Variants in ADAMTSL3 observed in about 807,000 individuals in gnomAD.
The protein encoded by ADAMTSL3 is ADAMTS-like protein 3.
ADAMTSL3 carries 128 observed loss-of-function variants against 201.7 expected under a neutral mutation model. The observed-to-expected ratio is 0.63, with a 90% CI of 0.55 to 0.73. The LOEUF (loss-of-function observed/expected upper bound fraction) is 0.73. ADAMTSL3 is among the 30% of genes least tolerant of loss of function. ADAMTSL3 has a pLI of 0.00. For missense variants in ADAMTSL3, 1,990 were observed against 2,119.6 expected (o/e 0.94, Z 1.20); for synonymous variants, 738 against 748.4 (o/e 0.99, Z 0.23).
At chr15:83,904,145 C>T (rs1225833041) in intron 15 of ADAMTSL3, among the ~76,000 whole-genome samples, 1 of 151,788 alleles carries the variant, frequency 6.6e-6, no homozygotes, top group Non-Finnish European at 1.5e-5. Flanking sequence ...ACTGAGCAGA[C>T]AGCACCTGTT....
At chr15:83,687,707 G>A (rs747747413) in intron 2 of ADAMTSL3, among the ~76,000 whole-genome samples, 1 of 152,116 alleles carries the variant, frequency 6.6e-6, no homozygotes, top group East Asian at 1.9e-4. Flanking sequence ...CTTAGATTGT[G>A]TATGTGAAAG....
intron 13 of ADAMTSL3, among the ~76,000 whole-genome samples, chr15:83,893,253 C>G (rs567240589): frequency 2.3e-4 from 35 of 152,190 alleles, no homozygotes; most frequent in Non-Finnish European, 4.9e-4. Flanking sequence ...TTTAAACAAG[C>G]AAGAATTACA....
chr15:83,783,591 T>C (rs750282923), intron 4 of ADAMTSL3, among the ~76,000 whole-genome samples: 43 of 151,966 alleles, frequency 2.8e-4, no homozygotes, highest in Non-Finnish European at 1.0e-4. Context: ...AGAAAATTGG[T>C]ATACCTATAC....
chr15:83,913,552 G>T lies in ADAMTSL3; in HGVS notation c.1987+174G>T, dbSNP rs8038109. ...TTTTTCTTTCTTTTTTTTTTGTAGT[G>T]ATTATTTTAGAAAGGAGAGTGGGAC... On this transcript the variant is annotated intron_variant, in intron 16 of 29. Transcript: ENST00000286744. Among the ~76,000 whole-genome samples the T allele has an allele frequency of 0.31, 46,821 of 151,186 alleles. 8,283 individuals carry two copies. Among genetic ancestry groups the T allele is most frequent in the African/African-American group, 0.44 (18,333 of 41,250 alleles).
chr15:83,710,286 A>G (rs113310713), intron 3 of ADAMTSL3, among the ~76,000 whole-genome samples: 4 of 152,216 alleles, frequency 2.6e-5, no homozygotes, highest in African/African-American at 9.6e-5. Flanking sequence ...CTTCCTGACC[A>G]CATTTAAGAG....
intron 2 of ADAMTSL3, among the ~76,000 whole-genome samples, chr15:83,689,873 C>A: frequency 6.6e-6 from 1 of 151,972 alleles, no homozygotes; most frequent in East Asian, 1.9e-4. Flanking sequence ...TTGTGTAGAG[C>A]ACACATGTTT....
At chr15:83,883,436 G>C (rs2065317164) in intron 9 of ADAMTSL3, among the ~76,000 whole-genome samples, 1 of 151,782 alleles carries the variant, frequency 6.6e-6, no homozygotes, top group Non-Finnish European at 1.5e-5. Context: ...GCTTCCCAAA[G>C]TGCTGGGATT....
intron 21 of ADAMTSL3, among the ~76,000 whole-genome samples, chr15:83,986,266 C>G (rs1241012902): frequency 6.6e-6 from 1 of 152,134 alleles, no homozygotes; most frequent in Non-Finnish European, 1.5e-5. Flanking sequence ...TTGAAGTGAT[C>G]TGTTGACCTA....
At chr15:84,011,440 G>T (rs2068004410) in intron 23 of ADAMTSL3, among the ~76,000 whole-genome samples, 4 of 152,166 alleles carry the variant, frequency 2.6e-5, no homozygotes, top group Admixed American at 2.0e-4. Context: ...ATAAACAACA[G>T]AAAATTTGTT....
intron 6 of ADAMTSL3, among the ~76,000 whole-genome samples, chr15:83,833,178 A>G (rs1352860891): frequency 6.6e-6 from 1 of 152,186 alleles, no homozygotes; most frequent in Non-Finnish European, 1.5e-5. Flanking sequence ...CCCAAGTTGT[A>G]CAGTATCTTA....
At chr15:83,933,190 C>T (rs2066393921) in intron 17 of ADAMTSL3, among the ~76,000 whole-genome samples, 1 of 151,990 alleles carries the variant, frequency 6.6e-6, no homozygotes, top group Non-Finnish European at 1.5e-5. Context: ...GAAAAAATTA[C>T]CCAGAATAAA....
intron 3 of ADAMTSL3, among the ~76,000 whole-genome samples, chr15:83,757,897 A>G (rs1022863491): frequency 6.6e-6 from 1 of 152,172 alleles, no homozygotes; most frequent in Non-Finnish European, 1.5e-5. Flanking sequence ...CTCTTTGCTA[A>G]AGCATAGCAA....
chr15:83,999,588 C>G (rs2067752470), intron 23 of ADAMTSL3, among the ~76,000 whole-genome samples: 1 of 152,254 alleles, frequency 6.6e-6, no homozygotes, highest in Admixed American at 6.5e-5. Context: ...GTAGAAGTTA[C>G]AGTTTCCTGA....
rs534008617 is a variant in ADAMTSL3, at chr15:83,791,624, C to T, written c.318-13026C>T. On this transcript the variant is annotated intron_variant, in intron 4 of 29. Coordinates refer to ENST00000286744, the MANE Select transcript of ADAMTSL3 (RefSeq NM_207517.3). ...CTGTAATCCCAACACTTTGGGAGGCCGAGGCGGGCAGATCACGAGGTCAGG... is the reference window on the plus strand; with the variant it reads ...CTGTAATCCCAACACTTTGGGAGGCTGAGGCGGGCAGATCACGAGGTCAGG... Among the ~76,000 whole-genome samples the T allele has an allele frequency of 2.9e-3, 448 of 152,128 alleles. 1 individual carries two copies. Among genetic ancestry groups the T allele is most frequent in the Non-Finnish European group, 5.8e-3 (391 of 67,990 alleles).
chr15:83,749,732 G>C (rs1276782003), intron 3 of ADAMTSL3, among the ~76,000 whole-genome samples: 2 of 152,154 alleles, frequency 1.3e-5, no homozygotes, highest in Non-Finnish European at 2.9e-5. Context: ...AGTGGCAGGA[G>C]GTCCAAGGCA....
chr15:83,989,033 C>T (rs1301878080), intron 22 of ADAMTSL3, among the ~76,000 whole-genome samples: 1 of 151,904 alleles, frequency 6.6e-6, no homozygotes, highest in Non-Finnish European at 1.5e-5. Context: ...CAGGCGCCCG[C>T]CACCACGCCC....
chr15:83,679,204 A>G (rs930058643), intron 2 of ADAMTSL3, among the ~76,000 whole-genome samples: 8 of 151,866 alleles, frequency 5.3e-5, no homozygotes, highest in African/African-American at 1.2e-4. Flanking sequence ...CATATCTTCT[A>G]TTTCTTTTAT....
In ADAMTSL3 at chr15:83,828,034, G is replaced by GT. The variant is rs200445831; in HGVS notation, c.600+7992dup. 6.9e-3 allele frequency among the ~76,000 whole-genome samples: 1,054 copies of GT among 152,270 alleles called. 8 individuals carry two copies. Among genetic ancestry groups the GT allele is most frequent in the African/African-American group, 0.025 (1,019 of 41,550 alleles). Reference sequence around the variant, plus strand: ...TTGGTTCCATATGAACTTTAAAGTAGTTTTTCCAATTCTGTGAAGAAATTC... The same window carrying GT: ...TTGGTTCCATATGAACTTTAAAGTAGTTTTTTCCAATTCTGTGAAGAAATTC... On this transcript the variant is annotated intron_variant, in intron 6 of 29. Coordinates refer to ENST00000286744, the MANE Select transcript of ADAMTSL3 (RefSeq NM_207517.3).
At chr15:83,723,105 G>A (rs1274492032) in intron 3 of ADAMTSL3, among the ~76,000 whole-genome samples, 3 of 152,034 alleles carry the variant, frequency 2.0e-5, no homozygotes, top group African/African-American at 7.2e-5. Context: ...TTTTCAAATG[G>A]ACAAAAAAGA....
Sources: gnomAD v4.1 joint callset for allele counts (sites outside exome capture counted in the v4.1 genomes callset) on GRCh38, gnomAD v4.1.1 for gene constraint, MANE v1.5 for transcripts, NCBI Gene and HGNC (gene_info 2026-07-23, HGNC 2026-07-21) for gene names.